MAP4K4: variants seen among roughly 807,000 people sequenced by gnomAD.
MAP4K4 encodes HPK/GCK-like kinase HGK.
Under a neutral mutation model 189.6 loss-of-function variants are expected in MAP4K4, and 38 were observed. The ratio of observed to expected loss-of-function variants is 0.20; its 90% CI spans 0.15 to 0.26. MAP4K4 has a LOEUF of 0.26. MAP4K4 is among the 10% of genes least tolerant of loss of function. The pLI is 1.00. For synonymous variants in MAP4K4, 610 were observed against 624.3 expected, an observed-to-expected ratio of 0.98 and a Z score of 0.34; for missense variants, 1,054 against 1,726.9, an observed-to-expected ratio of 0.61 and a Z score of 6.91.
chr2:101,875,670 TCAGTA>T (rs1351930234), intron 26 of MAP4K4, among the ~76,000 whole-genome samples: 4 of 152,204 alleles, frequency 2.6e-5, no homozygotes, highest in African/African-American at 9.7e-5. Context: ...ACTGAGGAAA[TCAGTA>T]CACACAGATA....
At chr2:101,792,599 T>TCCG (rs2093078682) in intron 3 of MAP4K4, among the ~76,000 whole-genome samples, 1 of 84,640 alleles carries the variant, frequency 1.2e-5, no homozygotes, top group Non-Finnish European at 3.1e-5. Context: ...CTCCTCCTTC[T>TCCG]CCTCCTCCTC....
chr2:101,765,809 C>A (rs2078386075), intron 2 of MAP4K4, among the ~76,000 whole-genome samples: 1 of 152,056 alleles, frequency 6.6e-6, no homozygotes, highest in South Asian at 2.1e-4. Context: ...TTAGAAATTT[C>A]ACAATTAAAA....
chr2:101,887,985 T>C (rs750749759), intron 31 of MAP4K4, 48 bp downstream of exon 31: 2 of 1,483,846 alleles, frequency 1.3e-6, no homozygotes, highest in South Asian at 1.3e-5. Context: ...TGGAGCCGTG[T>C]CTGAGACTCC....
chr2:101,729,107 T>A (rs1225220844), intron 2 of MAP4K4, among the ~76,000 whole-genome samples: 3 of 149,076 alleles, frequency 2.0e-5, no homozygotes, highest in African/African-American at 7.7e-5. Context: ...AGAGAGTGTG[T>A]GTGTGTGTGT....
At chr2:101,859,137 C>A in intron 14 of MAP4K4, 55 bp downstream of exon 14, 1 of 1,503,524 alleles carries the variant, frequency 6.7e-7, no homozygotes, top group South Asian at 1.2e-5. Context: ...CATCCGTCCC[C>A]AAAGTTGAGC....
intron 25 of MAP4K4, 24 bp from the exon 26 acceptor site, chr2:101,874,058 A>C (rs2098130506): frequency 6.2e-7 from 1 of 1,604,626 alleles, no homozygotes; most frequent in Non-Finnish European, 8.5e-7. Flanking sequence ...TACAGAAAAT[A>C]ATTTCAAATA....
At chr2:101,774,572 T>C (rs2083047033) in intron 2 of MAP4K4, among the ~76,000 whole-genome samples, 1 of 152,222 alleles carries the variant, frequency 6.6e-6, no homozygotes, top group Admixed American at 6.5e-5. Context: ...CTTTATGTTA[T>C]CCTGTTTTGT....
intron 3 of MAP4K4, among the ~76,000 whole-genome samples, chr2:101,818,265 A>C (rs1281286454): frequency 6.6e-6 from 1 of 152,186 alleles, no homozygotes; most frequent in Non-Finnish European, 1.5e-5. Flanking sequence ...CTAAATGTAT[A>C]TTCATTTGTA....
rs761368858 is a variant in MAP4K4, at chr2:101,698,585, T to C, written c.123+47T>C. 6.1e-5 allele frequency: 95 copies of C among 1,567,364 alleles called. 3 individuals are homozygous for C. In the South Asian group the frequency reaches 1.0e-3, roughly 17 times the overall value. On this transcript the variant is annotated intron_variant, in intron 2 of 32. Coordinates refer to ENST00000324219, the Ensembl canonical transcript of MAP4K4. ...GTTTCCCGTGGCATGTGGAAACTTC[T>C]TATTGGGGGACGAGGAGAGGGTGAT...
intron 3 of MAP4K4, among the ~76,000 whole-genome samples, chr2:101,823,012 C>T (rs1418714934): frequency 6.6e-6 from 1 of 152,134 alleles, no homozygotes; most frequent in East Asian, 1.9e-4. Context: ...TACAAATCTT[C>T]CTTAACCTGA....
chr2:101,722,064 A>T (rs2149455894), intron 2 of MAP4K4, among the ~76,000 whole-genome samples: 1 of 152,294 alleles, frequency 6.6e-6, no homozygotes, highest in East Asian at 1.9e-4. Context: ...AGATAGTAGG[A>T]GAGAGAAATC....
chr2:101,720,575 A>C (rs1362999416), intron 2 of MAP4K4, among the ~76,000 whole-genome samples: 2 of 152,238 alleles, frequency 1.3e-5, no homozygotes, highest in Non-Finnish European at 2.9e-5. Flanking sequence ...GTAGACTGCC[A>C]GATGGACCTT....
chr2:101,840,905 A>G (rs1482031345), intron 10 of MAP4K4, among the ~76,000 whole-genome samples: 1 of 152,254 alleles, frequency 6.6e-6, no homozygotes, highest in African/African-American at 2.4e-5. Flanking sequence ...ACTTAGTTAT[A>G]AAAGTAATTA....
intron 3 of MAP4K4, among the ~76,000 whole-genome samples, chr2:101,791,679 T>C (rs1279886026): frequency 6.6e-6 from 1 of 152,188 alleles, no homozygotes; most frequent in Non-Finnish European, 1.5e-5. Flanking sequence ...ACCTGATCTC[T>C]AGTGTGCTAT....
chr2:101,739,568 G>C (rs2061751890), intron 2 of MAP4K4, among the ~76,000 whole-genome samples: 1 of 152,102 alleles, frequency 6.6e-6, no homozygotes, highest in Non-Finnish European at 1.5e-5. Context: ...TGAGTGCTTA[G>C]TGCCTTATTG....
At position 101,839,812 on chromosome 2, in the gene MAP4K4, C is replaced by A. The variant is rs1453051153; in HGVS notation, c.774-7C>A. 1.3e-5 allele frequency: 20 copies of A among 1,569,798 alleles called. No homozygotes were observed. Among genetic ancestry groups the A allele is most frequent in the Non-Finnish European group, 1.6e-5 (19 of 1,163,656 alleles). On this transcript the variant is annotated splice_region_variant and splice_polypyrimidine_tract_variant and intron_variant, in intron 9 of 32. Transcript: ENST00000324219. ...GGAAATTTGATGATCTTTTTCACTT[C>A]TTACAGGTCGAAGAAGTTTTTTAGT...
At chr2:101,820,437 ATTG>A (rs1265692941) in intron 3 of MAP4K4, among the ~76,000 whole-genome samples, 5 of 152,128 alleles carry the variant, frequency 3.3e-5, no homozygotes, top group Admixed American at 1.3e-4. Context: ...TCCCCTATTC[ATTG>A]TTGTTTTGTT....
intron 3 of MAP4K4, among the ~76,000 whole-genome samples, chr2:101,817,234 T>C (rs944759924): frequency 3.3e-5 from 5 of 152,180 alleles, no homozygotes; most frequent in Admixed American, 2.0e-4. Flanking sequence ...TGGGTGTTGA[T>C]GACATGAAGC....
At chr2:101,807,618 G>A (rs540570203) in intron 3 of MAP4K4, among the ~76,000 whole-genome samples, 24 of 152,298 alleles carry the variant, frequency 1.6e-4, no homozygotes, top group African/African-American at 5.5e-4. Flanking sequence ...TTATAAAGAG[G>A]TTTAATTGAC....
Sources: allele counts gnomAD v4.1 joint callset (sites outside exome capture counted in the v4.1 genomes callset), GRCh38; gene constraint gnomAD v4.1.1; transcripts MANE v1.5; gene names NCBI Gene and HGNC (gene_info 2026-07-23, HGNC 2026-07-21).